Variants in CLEC4F observed in about 807,000 individuals in gnomAD.
The protein encoded by CLEC4F is C-type lectin domain family 4 member F, also known as C-type (calcium dependent, carbohydrate-recognition domain) lectin, superfamily member 13.
Under a neutral mutation model 53.4 loss-of-function variants are expected in CLEC4F, and 45 were observed. That is an observed-to-expected ratio of 0.84 (90% CI 0.66 to 1.08). The LOEUF is 1.08. CLEC4F is among the 50% of genes least tolerant of loss of function. CLEC4F has a pLI of 0.00. For missense variants in CLEC4F, 753 were observed against 698.2 expected (o/e 1.08, Z -0.88); for synonymous variants, 245 against 257.5 (o/e 0.95, Z 0.46).
intron 4 of CLEC4F, 142 bp downstream of exon 4, chr2:70,815,852 C>T (rs1376788248): frequency 2.2e-6 from 2 of 891,064 alleles, no homozygotes; most frequent in Non-Finnish European, 3.4e-6. Flanking sequence ...ATCTCTACAA[C>T]TGCCCAGTTT....
chr2:70,819,832 T>G lies in CLEC4F; in HGVS notation c.121A>C (p.Thr41Pro). The change falls in exon 2 of 7, where the codon ACC becomes CCC. Residue 41 changes from threonine to proline, a missense_variant. Coordinates refer to ENST00000272367, the MANE Select transcript of CLEC4F (RefSeq NM_173535.3). ...AAGGTCACAGCCATAAATGCCGGGG[T>G]AGCCTGAACGAGCCTCGGTATCTTG... The part of the protein sequence containing the change: ...APKIPRLVQA[T>P]PAFMAVTLVF... 1 of 1,609,816 alleles carries G rather than the reference T, an allele frequency of 6.2e-7. No homozygotes were observed. Among genetic ancestry groups the G allele is most frequent in the Non-Finnish European group, 8.5e-7 (1 of 1,178,122 alleles).
intron 4 of CLEC4F, 79 bp from the exon 5 acceptor site, chr2:70,812,677 G>C: frequency 6.9e-7 from 1 of 1,448,212 alleles, no homozygotes; most frequent in Non-Finnish European, 9.5e-7. Context: ...GACCTCTCTA[G>C]GGCCTGCCCA....
At chr2:70,813,597 CTCTT>C (rs370418600) in intron 4 of CLEC4F, among the ~76,000 whole-genome samples, 3,467 of 106,212 alleles carry the variant, frequency 0.033, 65 homozygotes, top group Middle Eastern at 0.072. Context: ...CTCTTTCTTT[CTCTT>C]TCTTTCTTTC....
chr2:70,816,878 ATC>A lies in CLEC4F; in HGVS notation c.501_502del (p.Gln167HisfsTer12), dbSNP rs1676948625. On this transcript the variant is annotated frameshift_variant, in exon 4 of 7. Transcript: ENST00000272367. LOFTEE classifies it high-confidence loss of function. ...GGTTCCCTCCAGGGAACTCCTTAAC[ATC>A]TGTGTCTGCAAACTCAATGTAGTGG... 4 of 1,614,022 alleles carry A rather than the reference ATC, an allele frequency of 2.5e-6. No homozygotes were observed. The highest frequency in any genetic ancestry group is 3.4e-6 in the Non-Finnish European group (4 of 1,180,032).
chr2:70,813,614 T>TCTTCCTTC (rs1480877348), intron 4 of CLEC4F, among the ~76,000 whole-genome samples: 5 of 141,774 alleles, frequency 3.5e-5, no homozygotes, highest in African/African-American at 1.2e-4. Flanking sequence ...TTTCTTTCTT[T>TCTTCCTTC]CTTTCTTTCT....
rs183060048 is a variant in CLEC4F, at chr2:70,811,572, G to A, written c.1539+875C>T. 1.8e-3 allele frequency: 586 copies of A among 325,156 alleles called. 1 individual carries two copies. The highest frequency in any genetic ancestry group is 0.011 in the African/African-American group (532 of 46,630). 20.1% of individuals were successfully genotyped at this position (325,156 alleles called of 1,614,324 possible). A position where few individuals can be genotyped will look rare whatever the true frequency, so the allele number is the denominator to read the frequency against. ...ACAGTGGTCTCAGGCGAGCCAACAG[G>A]GGGGTAGGCAGTTCTGCAAGTCAAA... On this transcript the variant is annotated intron_variant, in intron 5 of 6. Transcript: ENST00000272367.
At chr2:70,809,992 C>A in intron 5 of CLEC4F, 135 bp from the exon 6 acceptor site, 1 of 655,524 alleles carries the variant, frequency 1.5e-6, no homozygotes, top group South Asian at 1.8e-5. Context: ...TTTTAAAACA[C>A]TTTTATCTCA....
upstream of CLEC4F, among the ~76,000 whole-genome samples, chr2:70,824,721 C>T (rs948122095): frequency 6.8e-6 from 1 of 148,046 alleles, no homozygotes; most frequent in Non-Finnish European, 1.5e-5. Flanking sequence ...GCAATTTGAG[C>T]AAAAACAAAA....
At chr2:70,810,104 G>GTAAA (rs2104623817) in intron 5 of CLEC4F, among the ~76,000 whole-genome samples, 1 of 150,894 alleles carries the variant, frequency 6.6e-6, no homozygotes, top group East Asian at 1.9e-4. Flanking sequence ...TACTTCTTTA[G>GTAAA]TAAATGGCTT....
chr2:70,808,995 A>T lies in CLEC4F; in HGVS notation c.*276T>A. On this transcript the variant is annotated 3_prime_UTR_variant, in exon 7 of 7. Coordinates refer to ENST00000272367, the MANE Select transcript of CLEC4F (RefSeq NM_173535.3). ...GATAGGGGGTGTCACAGGTCATGTC[A>T]TTCCACTTCTGCTGAATTTGGACAC... The T allele has an allele frequency of 1.5e-6, 2 of 1,303,232 alleles. No homozygotes were observed. The highest frequency in any genetic ancestry group is 1.1e-6 in the Non-Finnish European group (1 of 937,784). 80.7% of individuals were successfully genotyped at this position (1,303,232 alleles called of 1,614,324 possible).
chr2:70,810,618 CAA>C (rs58138583), intron 5 of CLEC4F, among the ~76,000 whole-genome samples: 68 of 48,822 alleles, frequency 1.4e-3, no homozygotes, highest in African/African-American at 3.7e-3. Flanking sequence ...AACTCTGTCG[CAA>C]AAAAAAAAAA....
chr2:70,810,276 A>G (rs1477635032), intron 5 of CLEC4F, among the ~76,000 whole-genome samples: 3 of 152,218 alleles, frequency 2.0e-5, no homozygotes, highest in African/African-American at 7.2e-5. Context: ...TTTAAAAATC[A>G]TGAGTGCCAC....
At chr2:70,818,176 G>T (rs1203429156) in intron 3 of CLEC4F, among the ~76,000 whole-genome samples, 2 of 152,190 alleles carry the variant, frequency 1.3e-5, no homozygotes, top group Non-Finnish European at 2.9e-5. Flanking sequence ...TAAGAGAGGG[G>T]ACCTTTCAAG....
rs782610041 is a variant in CLEC4F, at chr2:70,816,673, T to C, written c.708A>G (p.Ala236=). ...TATTGGCTAACTGAGCCTGGGTATT[T>C]GCCGTTTCCAAACTGGCATTCAACA... is the stretch of plus-strand genomic sequence containing the variant. ...IQMLNASLET[A]NTQAQLANSS... is the part of the protein sequence containing the mutation. The change falls in exon 4 of 7, where the codon GCA becomes GCG. Residue 236 remains alanine, a synonymous_variant. Coordinates refer to ENST00000272367, the MANE Select transcript of CLEC4F (RefSeq NM_173535.3). 6.2e-7 allele frequency: 1 copy of C among 1,614,238 alleles called. No homozygotes were observed.
At chr2:70,809,595 C>A (rs1255245380) in intron 6 of CLEC4F, 144 bp downstream of exon 6, 8 of 793,934 alleles carry the variant, frequency 1.0e-5, no homozygotes, top group Non-Finnish European at 1.5e-5. Flanking sequence ...GGCACACACA[C>A]CACACATACA....
chr2:70,812,197 G>A (rs966277237), intron 5 of CLEC4F, among the ~76,000 whole-genome samples: 2 of 152,118 alleles, frequency 1.3e-5, no homozygotes, highest in African/African-American at 4.8e-5. Context: ...ACCTCCCCTT[G>A]GCCTTCCTCC....
chr2:70,809,091 A>T lies in CLEC4F; in HGVS notation c.*180T>A, dbSNP rs781941191. 50 of 1,548,658 alleles carry T rather than the reference A, an allele frequency of 3.2e-5. 1 individual carries two copies. In the Admixed American group the frequency reaches 9.2e-4, roughly 29 times the overall value. On this transcript the variant is annotated 3_prime_UTR_variant, in exon 7 of 7. Transcript: ENST00000272367. ...TCTTTTCCCAAAACCCGAAGACAAC[A>T]GGGCTTTATACTGTTAGATGAAGGC...
At chr2:70,818,242 G>A (rs782140984) in intron 3 of CLEC4F, among the ~76,000 whole-genome samples, 1 of 152,180 alleles carries the variant, frequency 6.6e-6, no homozygotes, top group Non-Finnish European at 1.5e-5. Context: ...ACAAATCAAT[G>A]CGACAGAATG....
chr2:70,820,924 C>T (rs552594170), upstream of CLEC4F, among the ~76,000 whole-genome samples: 178 of 152,256 alleles, frequency 1.2e-3, no homozygotes, highest in African/African-American at 4.1e-3. Flanking sequence ...ATTCTAGCCT[C>T]AGAACCTCTT....
Sources: allele counts gnomAD v4.1 joint callset (sites outside exome capture counted in the v4.1 genomes callset), GRCh38; gene constraint gnomAD v4.1.1; transcripts MANE v1.5; gene names NCBI Gene and HGNC (gene_info 2026-07-23, HGNC 2026-07-21).